AASS: variants seen among roughly 807,000 people sequenced by gnomAD.
AASS encodes the protein alpha-aminoadipic semialdehyde synthase, mitochondrial.
AASS carries 86 observed loss-of-function variants against 105.4 expected under a neutral mutation model. The ratio of observed to expected loss-of-function variants is 0.82; its 90% CI spans 0.69 to 0.98. AASS has a LOEUF of 0.98. AASS is among the 50% of genes least tolerant of loss of function. The pLI, the probability that AASS is intolerant of heterozygous loss-of-function variation, is 0.00. For missense variants in AASS, 1,048 were observed against 1,143.2 expected (o/e 0.92, Z 1.20); for synonymous variants, 381 against 394.8 (o/e 0.96, Z 0.41).
intron 15 of AASS, among the ~76,000 whole-genome samples, chr7:122,095,612 A>T (rs938449630): frequency 6.6e-6 from 1 of 151,320 alleles, no homozygotes. Context: ...ACCACTTTTC[A>T]GGCATTTATT....
chr7:122,093,597 GC>G (rs1278231093), intron 15 of AASS, among the ~76,000 whole-genome samples: 1 of 152,088 alleles, frequency 6.6e-6, no homozygotes, highest in Non-Finnish European at 1.5e-5. Flanking sequence ...AGTCGCTTGG[GC>G]CCAGGAGTCG....
chr7:122,091,832 A>G lies in AASS; in HGVS notation c.1887T>C (p.Tyr629=), dbSNP rs1793917501. The change falls in exon 18 of 24, where the codon TAT becomes TAC. Residue 629 remains tyrosine (Y), a synonymous_variant. Coordinates refer to ENST00000417368, the MANE Select transcript of AASS (RefSeq NM_005763.4). ...AKEVGATIES[Y]ISYCGGLPAP... ...CTGGAAGCCCACCACAGTAGGAAAT[A>G]TATGATTCAATCTATAAATTAAAGA... 1 of 1,602,506 alleles carries G rather than the reference A, an allele frequency of 6.2e-7. No individual in the cohort carries two copies. Among genetic ancestry groups the G allele is most frequent in the African/African-American group, 1.3e-5 (1 of 74,662 alleles).
intron 18 of AASS, among the ~76,000 whole-genome samples, chr7:122,087,710 G>A (rs1228780602): frequency 6.6e-6 from 1 of 152,070 alleles, no homozygotes; most frequent in African/African-American, 2.4e-5. Context: ...AAACAAAAAA[G>A]CAAACGTTGA....
chr7:122,108,075 T>G (rs1202528933), intron 11 of AASS, among the ~76,000 whole-genome samples: 1 of 150,164 alleles, frequency 6.7e-6, no homozygotes, highest in Non-Finnish European at 1.5e-5. Context: ...CTAGAAGAAA[T>G]GAACAAATTC....
intron 3 of AASS, 100 bp from the exon 4 acceptor site, chr7:122,126,559 G>T: frequency 1.0e-6 from 1 of 984,092 alleles, no homozygotes; most frequent in Non-Finnish European, 1.6e-6. Flanking sequence ...TTTTTCCTCT[G>T]AAATACACCT....
At position 122,101,354 on chromosome 7, in the gene AASS, A is replaced by T; in HGVS notation, c.1406+17T>A. On this transcript the variant is annotated intron_variant, in intron 13 of 23. Transcript: ENST00000417368. The stretch of plus-strand genomic sequence containing the variant: ...AAGAATAAATGTATAAAACAAGAGG[A>T]TTTGAACAATACTTACCTGCTCTCC... 6.3e-7 allele frequency: 1 copy of T among 1,580,788 alleles called. No individual in the cohort carries two copies. The highest frequency in any genetic ancestry group is 8.7e-7 in the Non-Finnish European group (1 of 1,150,470).
At chr7:122,112,813 T>G (rs1562975323) in intron 11 of AASS, among the ~76,000 whole-genome samples, 1 of 152,146 alleles carries the variant, frequency 6.6e-6, no homozygotes, top group Non-Finnish European at 1.5e-5. Context: ...CTGACATAGA[T>G]GGCAAAAAAT....
intron 3 of AASS, among the ~76,000 whole-genome samples, chr7:122,127,478 TAATGAACA>T (rs1161772647): frequency 1.3e-5 from 2 of 152,134 alleles, no homozygotes; most frequent in Non-Finnish European, 2.9e-5. Context: ...AATTTTCTTA[TAATGAACA>T]AAAGTTAAAA....
At chr7:122,079,756 T>C in intron 20 of AASS, 44 bp from the exon 21 acceptor site, 1 of 1,326,224 alleles carries the variant, frequency 7.5e-7, no homozygotes, top group African/African-American at 1.4e-5. Context: ...CCCTAACAAA[T>C]TTTTTTTTAA....
intron 11 of AASS, among the ~76,000 whole-genome samples, chr7:122,111,620 G>A (rs279669): frequency 0.63 from 95,996 of 152,064 alleles, 32,260 homozygotes; most frequent in African/African-American, 0.89. Flanking sequence ...TTATGTATTC[G>A]TGGCTGGGCG....
intron 21 of AASS, chr7:122,079,383 C>T (rs772885818): frequency 1.8e-5 from 25 of 1,359,342 alleles, no homozygotes; most frequent in South Asian, 9.1e-5. Context: ...TAAAGTGTTT[C>T]GAGATAAGCA....
chr7:122,111,350 G>A (rs1794923046), intron 11 of AASS, among the ~76,000 whole-genome samples: 1 of 152,148 alleles, frequency 6.6e-6, no homozygotes, highest in South Asian at 2.1e-4. Flanking sequence ...AGAAATGTCT[G>A]ATTAGCAGAA....
intron 22 of AASS, among the ~76,000 whole-genome samples, chr7:122,078,352 G>A (rs1793133428): frequency 6.6e-6 from 1 of 151,754 alleles, no homozygotes; most frequent in Non-Finnish European, 1.5e-5. Context: ...GGTGGCTCAT[G>A]CCTGTAATCC....
intron 22 of AASS, 64 bp from the exon 23 acceptor site, chr7:122,078,078 C>A: frequency 6.8e-7 from 1 of 1,469,164 alleles, no homozygotes; most frequent in Non-Finnish European, 9.5e-7. Flanking sequence ...TGTCTGTCAT[C>A]TCCTCCTGCC....
intron 15 of AASS, among the ~76,000 whole-genome samples, chr7:122,096,517 A>G (rs1794161328): frequency 6.6e-6 from 1 of 152,000 alleles, no homozygotes; most frequent in Non-Finnish European, 1.5e-5. Context: ...AGTCCCAGCT[A>G]CTTGGGTGGT....
At chr7:122,136,376 A>G (rs779668194) in intron 1 of AASS, among the ~76,000 whole-genome samples, 4 of 152,246 alleles carry the variant, frequency 2.6e-5, no homozygotes, top group African/African-American at 9.6e-5. Context: ...GAAGAAAAAA[A>G]GCTGCACACA....
At chr7:122,088,278 C>A (rs991880484) in intron 18 of AASS, among the ~76,000 whole-genome samples, 11 of 151,988 alleles carry the variant, frequency 7.2e-5, no homozygotes, top group Non-Finnish European at 1.3e-4. Context: ...ATAAATATAT[C>A]ATATATATTC....
intron 1 of AASS, among the ~76,000 whole-genome samples, chr7:122,137,393 C>T (rs998865820): frequency 1.3e-5 from 2 of 152,174 alleles, no homozygotes; most frequent in African/African-American, 4.8e-5. Flanking sequence ...CTCCAGCCAA[C>T]TCTTGTTTCA....
chr7:122,081,464 A>G, intron 20 of AASS, 36 bp downstream of exon 20: 3 of 1,493,464 alleles, frequency 2.0e-6, no homozygotes, highest in South Asian at 1.1e-5. Flanking sequence ...GTATTTCTGA[A>G]AAGGAGCAGA....
Sources: gnomAD v4.1 joint callset for allele counts (sites outside exome capture counted in the v4.1 genomes callset) on GRCh38, gnomAD v4.1.1 for gene constraint, MANE v1.5 for transcripts, NCBI Gene and HGNC (gene_info 2026-07-23, HGNC 2026-07-21) for gene names.